Variants in ANK1 observed in about 807,000 individuals in gnomAD.
ANK1 encodes ankyrin-1.
In ANK1, 51 loss-of-function variants were observed where a neutral mutation model predicts 210.4. That is an observed-to-expected ratio of 0.24 (90% CI 0.19 to 0.31). The LOEUF is 0.31. Ranked by LOEUF, ANK1 falls within the 10% of genes least tolerant of loss-of-function variation. The pLI is 1.00. For synonymous variants in ANK1, 967 were observed against 1,025.9 expected (o/e 0.94, Z 1.10); for missense variants, 2,051 against 2,504.4 (o/e 0.82, Z 3.86).
At chr8:41,690,761 T>C (rs1819061598) in intron 31 of ANK1, among the ~76,000 whole-genome samples, 162 bp from the exon 32 acceptor site, 1 of 152,234 alleles carries the variant, frequency 6.6e-6, no homozygotes, top group South Asian at 2.1e-4. Flanking sequence ...AAAGGCTTTA[T>C]TTCCAAAATT....
chr8:41,803,901 T>C (rs1850544410), intron 1 of ANK1, among the ~76,000 whole-genome samples: 1 of 152,222 alleles, frequency 6.6e-6, no homozygotes, highest in Non-Finnish European at 1.5e-5. Flanking sequence ...ACTTGTAATA[T>C]AGCACCATTG....
rs1818235988 is a variant in ANK1, at chr8:41,688,240, A to G, written c.4184-10T>C. 6.2e-7 allele frequency: 1 copy of G among 1,614,000 alleles called. No individual in the cohort carries two copies. Among genetic ancestry groups the G allele is most frequent in the Non-Finnish European group, 8.5e-7 (1 of 1,179,904 alleles). On this transcript the variant is annotated splice_polypyrimidine_tract_variant and intron_variant, in intron 34 of 42. Coordinates refer to ENST00000289734, the MANE Select transcript of ANK1 (RefSeq NM_000037.4). ...GTCCCACTGAGAGAACCTGGGGAGAAGCATTAGATTTCATTTAGTAGCCAG... is the reference window on the plus strand; with the variant it reads ...GTCCCACTGAGAGAACCTGGGGAGAGGCATTAGATTTCATTTAGTAGCCAG...
rs1397938117 is a variant in ANK1, at chr8:41,734,146, C to T, written c.130-77G>A. On this transcript the variant is annotated intron_variant, in intron 2 of 42. Transcript: ENST00000289734. ...TGCACGTCCCAGTGGGGGCCCAGGCCCCTTCCCAGCCCTGAGGTGTTCACA... is the reference window on the plus strand; with the variant it reads ...TGCACGTCCCAGTGGGGGCCCAGGCTCCTTCCCAGCCCTGAGGTGTTCACA... 3 of 1,220,216 alleles carry T rather than the reference C, an allele frequency of 2.5e-6. No individual in the cohort carries two copies. The African/African-American group carries it at 4.5e-5, about 18-fold the overall frequency. 75.6% of individuals were successfully genotyped at this position (1,220,216 alleles called of 1,614,324 possible).
At chr8:41,661,682 A>G (rs778145236) in intron 41 of ANK1, 118 bp from the exon 42 acceptor site, 5 of 1,597,766 alleles carry the variant, frequency 3.1e-6, no homozygotes, top group Middle Eastern at 1.7e-4. Context: ...CAGGGAGAAG[A>G]GAGACTGGAG....
intron 1 of ANK1, among the ~76,000 whole-genome samples, chr8:41,844,586 G>A (rs981274417): frequency 3.3e-5 from 5 of 152,142 alleles, no homozygotes; most frequent in Non-Finnish European, 7.4e-5. Flanking sequence ...CGGGGCCCCA[G>A]CCCTGCCACC....
chr8:41,665,018 C>T, intron 39 of ANK1: 5 of 1,613,616 alleles, frequency 3.1e-6, no homozygotes, highest in Non-Finnish European at 8.5e-7. Flanking sequence ...TGACGAAAGT[C>T]CACATCCTCG....
At chr8:41,703,952 G>A (rs1298900092) in intron 20 of ANK1, 89 bp downstream of exon 20, 22 of 1,249,476 alleles carry the variant, frequency 1.8e-5, no homozygotes, top group Middle Eastern at 1.9e-4. Flanking sequence ...CCCTAGACAC[G>A]TGCATTAACC....
chr8:41,730,801 C>G (rs1832014470), intron 3 of ANK1, among the ~76,000 whole-genome samples: 1 of 152,196 alleles, frequency 6.6e-6, no homozygotes, highest in South Asian at 2.1e-4. Flanking sequence ...AAGGAGGCAT[C>G]CTGGGTGCAT....
At chr8:41,845,660 TTAAC>T (rs906787013) in intron 1 of ANK1, among the ~76,000 whole-genome samples, 36 of 152,054 alleles carry the variant, frequency 2.4e-4, no homozygotes, top group African/African-American at 8.5e-4. Flanking sequence ...GGAGAAATGA[TTAAC>T]TAACTCTAGG....
At chr8:41,784,650 T>G (rs1221276647) in intron 1 of ANK1, among the ~76,000 whole-genome samples, 1 of 152,186 alleles carries the variant, frequency 6.6e-6, no homozygotes, top group Admixed American at 6.5e-5. Flanking sequence ...CACAAACGTT[T>G]TTATCTATAA....
chr8:41,813,409 T>C (rs753023683), intron 1 of ANK1, among the ~76,000 whole-genome samples: 9 of 152,168 alleles, frequency 5.9e-5, no homozygotes, highest in Non-Finnish European at 1.2e-4. Context: ...TCCAGTACAG[T>C]TTAGAGGTAG....
intron 1 of ANK1, among the ~76,000 whole-genome samples, chr8:41,893,228 T>G (rs62508244): frequency 0.24 from 36,219 of 152,132 alleles, 4,587 homozygotes; most frequent in Non-Finnish European, 0.26. Context: ...ATGCCTGCTT[T>G]ACACATGCTT....
intron 21 of ANK1, 126 bp from the exon 22 acceptor site, chr8:41,701,748 G>A: frequency 3.9e-6 from 4 of 1,025,990 alleles, no homozygotes; most frequent in South Asian, 1.3e-5. Flanking sequence ...CGGAGGAGGC[G>A]CTCAGCCTGG....
At chr8:41,802,462 A>G (rs774591914), upstream of ANK1, among the ~76,000 whole-genome samples, 5 of 152,278 alleles carry the variant, frequency 3.3e-5, no homozygotes, top group East Asian at 3.9e-4. Flanking sequence ...AAGTCTCCAC[A>G]TGCATGAGTC....
chr8:41,690,136 C>A, intron 33 of ANK1, 91 bp downstream of exon 33: 2 of 1,580,312 alleles, frequency 1.3e-6, no homozygotes, highest in South Asian at 1.1e-5. Flanking sequence ...CAGGAAGAAG[C>A]CCCTTGGAAG....
intron 3 of ANK1, among the ~76,000 whole-genome samples, chr8:41,731,519 T>G (rs2150669024): frequency 6.6e-6 from 1 of 152,248 alleles, no homozygotes; most frequent in Non-Finnish European, 1.5e-5. Context: ...TTTTGTGCTT[T>G]TAAAATTTCT....
chr8:41,861,844 A>G (rs1022669303), intron 1 of ANK1, among the ~76,000 whole-genome samples: 1 of 152,210 alleles, frequency 6.6e-6, no homozygotes, highest in African/African-American at 2.4e-5. Context: ...GGAGACTCAC[A>G]TTGAACTTTC....
intron 1 of ANK1, among the ~76,000 whole-genome samples, chr8:41,894,935 C>CT (rs1820185497): frequency 6.6e-6 from 1 of 151,986 alleles, no homozygotes; most frequent in Non-Finnish European, 1.5e-5. Flanking sequence ...GGGGTGGTGC[C>CT]TTTGTGAAAC....
chr8:41,788,767 T>C (rs1436918032), intron 1 of ANK1: 1 of 152,206 alleles, frequency 6.6e-6, no homozygotes. Context: ...CCCTGCCAGA[T>C]GGGGGCTTTC....
Sources: allele counts gnomAD v4.1 joint callset (sites outside exome capture counted in the v4.1 genomes callset), GRCh38; gene constraint gnomAD v4.1.1; transcripts MANE v1.5; gene names NCBI Gene and HGNC (gene_info 2026-07-23, HGNC 2026-07-21).